CDK9: variants seen among roughly 807,000 people sequenced by gnomAD.
CDK9 encodes cyclin dependent kinase 9.
In CDK9, 34 loss-of-function variants were observed where a neutral mutation model predicts 39.0. That is an observed-to-expected ratio of 0.87 (90% CI 0.66 to 1.16). CDK9 has a LOEUF of 1.16. Among genes scored for constraint, CDK9 ranks in the 50% most tolerant of loss-of-function variants. The probability of loss-of-function intolerance (pLI) is 0.00; values close to 1 mark genes in which losing one functional copy is unlikely to be tolerated. For missense variants in CDK9, 369 were observed against 503.2 expected, an observed-to-expected ratio of 0.73 and a Z score of 2.55; for synonymous variants, 233 against 196.2, an observed-to-expected ratio of 1.19 and a Z score of -1.57.
chr9:127,786,803 C>T (rs1446680297), intron 2 of CDK9, 21 bp downstream of exon 2: 2 of 1,606,744 alleles, frequency 1.2e-6, no homozygotes, highest in South Asian at 1.1e-5. Context: ...ATCGGGCGTG[C>T]GGGCCGGCCG....
chr9:127,786,625 T>G (rs1378134051), intron 1 of CDK9, 76 bp from the exon 2 acceptor site: 6 of 1,307,576 alleles, frequency 4.6e-6, no homozygotes, highest in East Asian at 4.8e-5. Flanking sequence ...CTGCTGCCCC[T>G]CCTCCTGTAG....
Position 127,789,654 on chromosome 9 carries a change from C to A in CDK9, c.*111C>A. 2 of 1,385,626 alleles carry A rather than the reference C, an allele frequency of 1.4e-6. No individual in the cohort carries two copies. The highest frequency in any genetic ancestry group is 2.9e-5 in the African/African-American group (2 of 69,110). 85.8% of individuals were successfully genotyped at this position (1,385,626 alleles called of 1,614,324 possible). Reference sequence around the variant, plus strand: ...ATCTCTCATGCATATTTTATTTAATCCCCACCCTGGGCTCTGGGAGCAGCC... The same window carrying A: ...ATCTCTCATGCATATTTTATTTAATACCCACCCTGGGCTCTGGGAGCAGCC... On this transcript the variant is annotated 3_prime_UTR_variant, in exon 7 of 7. Transcript: ENST00000373264. This position sits in a 1 kb window ranked among gnomAD's most constrained non-coding sequence, Gnocchi z 5.2.
At chr9:127,786,279 G>A in intron 1 of CDK9, 39 bp downstream of exon 1, 2 of 1,532,276 alleles carry the variant, frequency 1.3e-6, no homozygotes, top group Non-Finnish European at 1.8e-6. Flanking sequence ...CCCTGGGCCT[G>A]CACCCCTAGG....
In CDK9 at chr9:127,787,116, A is replaced by G. The variant is rs187547268; in HGVS notation, c.174+334A>G. ...CTTTTTGAAAGGTGTCTGATACTCA[A>G]TTATTTAATGTATTTAAAAGGAGCG... On this transcript the variant is annotated intron_variant, in intron 2 of 6. Transcript: ENST00000373264. Among the ~76,000 whole-genome samples the G allele has an allele frequency of 3.3e-5, 5 of 152,314 alleles. No individual in the cohort carries two copies. In the East Asian group the frequency reaches 9.6e-4, roughly 29 times the overall value.
rs1399413931 is a variant in CDK9, at chr9:127,790,786, A to G, written c.*1243A>G. 1 of 152,106 alleles carries G rather than the reference A, an allele frequency of 6.6e-6. No homozygotes were observed. Among genetic ancestry groups the G allele is most frequent in the African/African-American group, 2.4e-5 (1 of 41,400 alleles). 9.4% of individuals were successfully genotyped at this position (152,106 alleles called of 1,614,324 possible). ...CACAAAAGGCCAGTAAAAGTAAGAA[A>G]AAAAAATTTTTTTTTTTTTTTTGGA... On this transcript the variant is annotated 3_prime_UTR_variant, in exon 7 of 7. Coordinates refer to ENST00000373264, the MANE Select transcript of CDK9 (RefSeq NM_001261.4).
At chr9:127,788,430 T>C in intron 5 of CDK9, 45 bp downstream of exon 5, 2 of 1,576,736 alleles carry the variant, frequency 1.3e-6, no homozygotes, top group South Asian at 1.1e-5. Context: ...GCCAGGCATC[T>C]ACCTGGCCCC....
chr9:127,787,188 C>T lies in CDK9; in HGVS notation c.175-330C>T, dbSNP rs142085286. 6.3e-3 allele frequency among the ~76,000 whole-genome samples: 964 copies of T among 152,296 alleles called. 11 individuals are homozygous for T. Among genetic ancestry groups the T allele is most frequent in the South Asian group, 0.026 (124 of 4,824 alleles). On this transcript the variant is annotated intron_variant, in intron 2 of 6. Transcript: ENST00000373264. ...AGCTCTAGTACAACTTCCCATAAAC[C>T]TTCTTTTGCGTAATGTGCATTAGCA...
Position 127,789,658 on chromosome 9 carries a change from A to C in CDK9, c.*115A>C, listed in dbSNP as rs1588539576. On this transcript the variant is annotated 3_prime_UTR_variant, in exon 7 of 7. Transcript: ENST00000373264. This position sits in a 1 kb window ranked among gnomAD's most constrained non-coding sequence, Gnocchi z 5.2. ...CTCATGCATATTTTATTTAATCCCC[A>C]CCCTGGGCTCTGGGAGCAGCCCGCT... is the stretch of plus-strand genomic sequence containing the variant. 7.3e-7 allele frequency: 1 copy of C among 1,361,060 alleles called. No homozygotes were observed. Among genetic ancestry groups the C allele is most frequent in the African/African-American group, 1.5e-5 (1 of 68,460 alleles). The allele number at this position is 1,361,060 out of a possible 1,614,324, so 84.3% of individuals were successfully genotyped here. A position where few individuals can be genotyped will look rare whatever the true frequency, so the allele number is the denominator to read the frequency against.
rs934074669 is a variant in CDK9, at chr9:127,790,276, T to C, written c.*733T>C. The C allele has an allele frequency of 1.3e-5, 2 of 152,232 alleles. No individual in the cohort carries two copies. The highest frequency in any genetic ancestry group is 2.4e-5 in the African/African-American group (1 of 41,442). The allele number at this position is 152,232 out of a possible 1,614,324, so 9.4% of individuals were successfully genotyped here. ...AAAGGACCTTTGTCTGTTTTTCCTC[T>C]TGGGTGCCTTCCAGAACGCATCTCA... On this transcript the variant is annotated 3_prime_UTR_variant, in exon 7 of 7. Transcript: ENST00000373264.
rs868306816 is a variant in CDK9, at chr9:127,789,603, C to T, written c.*60C>T. On this transcript the variant is annotated 3_prime_UTR_variant, in exon 7 of 7. Coordinates refer to ENST00000373264, the MANE Select transcript of CDK9 (RefSeq NM_001261.4). The surrounding 1 kb of genome is among the most constrained non-coding windows in gnomAD (Gnocchi z 5.2). ...TTTTCTTCTGCTATGTGACTTGCAT[C>T]GTGGAGACAGGGCATTTGAGTTTAT... 91 of 1,567,470 alleles carry T rather than the reference C, an allele frequency of 5.8e-5. No homozygotes were observed. In the African/African-American group the frequency reaches 1.1e-3, roughly 18 times the overall value.
chr9:127,786,818 A>G, intron 2 of CDK9, 36 bp downstream of exon 2: 1 of 1,583,984 alleles, frequency 6.3e-7, no homozygotes, highest in Non-Finnish European at 8.7e-7. Context: ...CGGCCGGCTA[A>G]CTGCCCGGGA....
In CDK9 at chr9:127,790,177, C is replaced by T. The variant is rs1302604792; in HGVS notation, c.*634C>T. Reference sequence around the variant, plus strand: ...CAGTCAGCAGCAGGTTGGGCCTGACCATTGGGACTTGATTGTCAAGTCACT... The same window carrying T: ...CAGTCAGCAGCAGGTTGGGCCTGACTATTGGGACTTGATTGTCAAGTCACT... On this transcript the variant is annotated 3_prime_UTR_variant, in exon 7 of 7. Coordinates refer to ENST00000373264, the MANE Select transcript of CDK9 (RefSeq NM_001261.4). The T allele has an allele frequency of 1.3e-5, 2 of 151,996 alleles. No homozygotes were observed. Among genetic ancestry groups the T allele is most frequent in the East Asian group, 3.9e-4 (2 of 5,174 alleles). 9.4% of individuals were successfully genotyped at this position (151,996 alleles called of 1,614,324 possible).
At position 127,788,555 on chromosome 9, in the gene CDK9, T is replaced by C. The variant is rs1310495867; in HGVS notation, c.616T>C (p.Tyr206His). The change falls in exon 6 of 7, where the codon TAC becomes CAC. Residue 206 changes from tyrosine to histidine, a missense_variant. By Grantham distance (83) the Tyr-to-His change is moderately conservative. Coordinates refer to ENST00000373264, the MANE Select transcript of CDK9 (RefSeq NM_001261.4). ...PPELLLGERD[Y>H]GPPIDLWGAG... ...GCTCTTCTTCCCAGGGGAGCGGGAC[T>C]ACGGCCCCCCCATTGACCTGTGGGG... 1.3e-6 allele frequency: 2 copies of C among 1,567,234 alleles called. No individual in the cohort carries two copies. Among genetic ancestry groups the C allele is most frequent in the Non-Finnish European group, 8.6e-7 (1 of 1,156,154 alleles).
intron 6 of CDK9, 22 bp downstream of exon 6, chr9:127,788,714 G>A (rs566601726): frequency 1.1e-5 from 17 of 1,567,616 alleles, no homozygotes; most frequent in East Asian, 9.0e-5. Flanking sequence ...CGGTCCCCAC[G>A]GGGTGCAGAG....
rs2131830304 is a variant in CDK9 at position 127,790,258 on chromosome 9, C to CT, written c.*718dup. ...GTTCTCTTCCATAATTGGAAAGGAC[C>CT]TTTGTCTGTTTTTCCTCTTGGGTGC... On this transcript the variant is annotated 3_prime_UTR_variant, in exon 7 of 7. Coordinates refer to ENST00000373264, the MANE Select transcript of CDK9 (RefSeq NM_001261.4). 1 of 152,226 alleles carries CT rather than the reference C, an allele frequency of 6.6e-6. No individual in the cohort carries two copies. The highest frequency in any genetic ancestry group is 1.5e-5 in the Non-Finnish European group (1 of 68,050). 9.4% of individuals were successfully genotyped at this position (152,226 alleles called of 1,614,324 possible). A position where few individuals can be genotyped will look rare whatever the true frequency, so the allele number is the denominator to read the frequency against.
chr9:127,787,863 G>T, intron 3 of CDK9, 84 bp from the exon 4 acceptor site: 1 of 1,449,488 alleles, frequency 6.9e-7, no homozygotes, highest in Non-Finnish European at 9.6e-7. Flanking sequence ...CCCGTGGGTT[G>T]GAGCAGGAAG....
At chr9:127,786,311 C>CG (rs11403971) in intron 1 of CDK9, 71 bp downstream of exon 1, 2 of 1,104,432 alleles carry the variant, frequency 1.8e-6, no homozygotes, top group African/African-American at 3.5e-5. Flanking sequence ...GATGCCCGGG[C>CG]CCCCCCCGAG....
rs1465948432 is a variant in CDK9, at chr9:127,788,444, C to T, written c.604+59C>T. On this transcript the variant is annotated intron_variant, in intron 5 of 6. Coordinates refer to ENST00000373264, the MANE Select transcript of CDK9 (RefSeq NM_001261.4). ...GGCCAGGCATCTACCTGGCCCCTTC[C>T]CCCCAACTGCCAGGGCTTCTTGAGC... 1.5e-5 allele frequency: 23 copies of T among 1,557,904 alleles called. 1 individual carries two copies. The South Asian group carries it at 2.4e-4, about 17-fold the overall frequency.
intron 3 of CDK9, 63 bp from the exon 4 acceptor site, chr9:127,787,884 G>T (rs963953554): frequency 6.4e-7 from 1 of 1,563,842 alleles, no homozygotes; most frequent in Non-Finnish European, 8.8e-7. Context: ...AAAGAAGCTG[G>T]TTGTGGGAAA....
Sources: gnomAD v4.1 joint callset for allele counts (sites outside exome capture counted in the v4.1 genomes callset) on GRCh38, gnomAD v4.1.1 for gene constraint, Gnocchi (gnomAD v3.1) non-coding constraint, MANE v1.5 for transcripts, NCBI Gene and HGNC (gene_info 2026-07-23, HGNC 2026-07-21) for gene names.